DIP2C: variants seen among roughly 807,000 people sequenced by gnomAD.
DIP2C encodes the protein disco-interacting protein 2 homolog C.
A neutral mutation model predicts 192.4 loss-of-function variants in DIP2C; 33 were observed. That is an observed-to-expected ratio of 0.17 (90% CI 0.13 to 0.23). The LOEUF is 0.23. Among genes scored for constraint, DIP2C ranks in the 10% least tolerant of loss-of-function variants. The pLI is 1.00. For synonymous variants in DIP2C, 979 were observed against 864.1 expected (o/e 1.13, Z -2.33); for missense variants, 1,537 against 2,110.1 (o/e 0.73, Z 5.32).
intron 1 of DIP2C, among the ~76,000 whole-genome samples, chr10:677,528 A>G (rs1170045583): frequency 6.6e-6 from 1 of 152,216 alleles, no homozygotes; most frequent in East Asian, 1.9e-4. Context: ...AGAATCCAGC[A>G]TGATGTACTG....
At chr10:389,791 C>T (rs1297425833) in intron 13 of DIP2C, among the ~76,000 whole-genome samples, 200 bp downstream of exon 13, 1 of 152,282 alleles carries the variant, frequency 6.6e-6, no homozygotes. Flanking sequence ...ACATAAATGT[C>T]TGCTGTTGAA....
chr10:503,311 G>A (rs1350010187), intron 1 of DIP2C, among the ~76,000 whole-genome samples: 1 of 152,222 alleles, frequency 6.6e-6, no homozygotes, highest in Non-Finnish European at 1.5e-5. Flanking sequence ...GAAAGGGAAA[G>A]AAACAGGACA....
At chr10:541,700 C>A (rs542639108) in intron 1 of DIP2C, among the ~76,000 whole-genome samples, 32 of 138,944 alleles carry the variant, frequency 2.3e-4, no homozygotes, top group African/African-American at 8.1e-4. Context: ...CTCCACCTGA[C>A]CACCCCCATC....
At chr10:306,672 G>A (rs1443553643) in intron 32 of DIP2C, among the ~76,000 whole-genome samples, 1 of 152,162 alleles carries the variant, frequency 6.6e-6, no homozygotes, top group South Asian at 2.1e-4. Context: ...ACTGCCTCCC[G>A]ACTGCTGGCC....
chr10:338,494 G>C (rs1035139669), intron 29 of DIP2C, among the ~76,000 whole-genome samples: 7 of 150,124 alleles, frequency 4.7e-5, no homozygotes, highest in African/African-American at 1.7e-4. Flanking sequence ...AATATGTCTC[G>C]ACACACGACC....
intron 1 of DIP2C, among the ~76,000 whole-genome samples, chr10:684,413 C>T (rs1355761808): frequency 6.6e-6 from 1 of 152,232 alleles, no homozygotes; most frequent in African/African-American, 2.4e-5. Context: ...CCCACTGACC[C>T]TCCTACCCTC....
At chr10:388,098 C>T (rs563760948) in intron 13 of DIP2C, among the ~76,000 whole-genome samples, 1 of 152,104 alleles carries the variant, frequency 6.6e-6, no homozygotes, top group Admixed American at 6.5e-5. Context: ...CCCTCTCTGC[C>T]TTTTTCTTTA....
chr10:524,942 A>C (rs1263672375), intron 1 of DIP2C, among the ~76,000 whole-genome samples: 1 of 147,658 alleles, frequency 6.8e-6, no homozygotes, highest in African/African-American at 2.6e-5. Context: ...TGGTCTAGAC[A>C]CACAGTTTAA....
At chr10:511,817 A>C (rs1846031552) in intron 1 of DIP2C, among the ~76,000 whole-genome samples, 1 of 152,224 alleles carries the variant, frequency 6.6e-6, no homozygotes, top group Non-Finnish European at 1.5e-5. Context: ...ATATTTAAGG[A>C]CTTCATTATT....
intron 5 of DIP2C, among the ~76,000 whole-genome samples, chr10:419,710 G>A (rs960141758): frequency 8.5e-5 from 13 of 152,240 alleles, no homozygotes; most frequent in South Asian, 2.1e-4. Context: ...GAGTTAACAC[G>A]TATACAGTTC....
chr10:377,141 G>GTTTTTTTTTTTTTTTTTT (rs5782549), intron 17 of DIP2C, among the ~76,000 whole-genome samples: 1 of 138,652 alleles, frequency 7.2e-6, no homozygotes. Flanking sequence ...GTGCAGCGCA[G>GTTTTTTTTTTTTTTTTTT]TTTTTTTTTT....
chr10:383,723 G>C (rs1962595516), intron 16 of DIP2C, among the ~76,000 whole-genome samples: 1 of 152,126 alleles, frequency 6.6e-6, no homozygotes, highest in South Asian at 2.1e-4. Flanking sequence ...CGGGGAAACA[G>C]GGTCAGCAAA....
chr10:614,889 G>C (rs1853346548), intron 1 of DIP2C, among the ~76,000 whole-genome samples: 2 of 152,192 alleles, frequency 1.3e-5, no homozygotes, highest in Non-Finnish European at 2.9e-5. Context: ...GGTGTGCATG[G>C]GAAGAACTGG....
chr10:349,651 G>C (rs1195754347), intron 24 of DIP2C, among the ~76,000 whole-genome samples, 197 bp from the exon 25 acceptor site: 1 of 152,160 alleles, frequency 6.6e-6, no homozygotes, highest in Non-Finnish European at 1.5e-5. Flanking sequence ...ATACGTTAGA[G>C]GTCAACTCCA....
At chr10:480,470 A>C (rs1392460258) in intron 2 of DIP2C, among the ~76,000 whole-genome samples, 1 of 152,156 alleles carries the variant, frequency 6.6e-6, no homozygotes, top group Non-Finnish European at 1.5e-5. Flanking sequence ...TGCTCACTGG[A>C]TGACGGTCTC....
At chr10:493,526 C>T (rs1178065507) in intron 1 of DIP2C, among the ~76,000 whole-genome samples, 1 of 151,944 alleles carries the variant, frequency 6.6e-6, no homozygotes, top group Admixed American at 6.6e-5. Flanking sequence ...GAGAAGCTGA[C>T]GTGTAGAAGA....
chr10:483,530 T>TA (rs1843766162), intron 2 of DIP2C, among the ~76,000 whole-genome samples: 1 of 152,220 alleles, frequency 6.6e-6, no homozygotes, highest in Non-Finnish European at 1.5e-5. Flanking sequence ...CTGAGTCTGG[T>TA]GTCTGGGCCT....
intron 1 of DIP2C, among the ~76,000 whole-genome samples, chr10:553,208 T>TC (rs1175918393): frequency 6.6e-6 from 1 of 152,186 alleles, no homozygotes; most frequent in Non-Finnish European, 1.5e-5. Context: ...CTCTTCTCCC[T>TC]CGTCCCTGCA....
chr10:329,626 GGGCGGGAGCTCAGCAA>G lies in DIP2C; in HGVS notation c.3585-41_3585-26del, dbSNP rs528613355. 805 of 1,609,628 alleles carry G rather than the reference GGGCGGGAGCTCAGCAA, an allele frequency of 5.0e-4. 9 individuals carry two copies. In the South Asian group the frequency reaches 6.8e-3, roughly 14 times the overall value. ...ACTGCAGAGAAAGAAGAGGCTGTCA[GGGCGGGAGCTCAGCAA>G]GGCTGGAGCTCAGCAAGGCTGGAGG... On this transcript the variant is annotated intron_variant, in intron 29 of 36. Coordinates refer to ENST00000280886, the MANE Select transcript of DIP2C (RefSeq NM_014974.3).
Sources: allele counts gnomAD v4.1 joint callset (sites outside exome capture counted in the v4.1 genomes callset), GRCh38; gene constraint gnomAD v4.1.1; transcripts MANE v1.5; gene names NCBI Gene and HGNC (gene_info 2026-07-23, HGNC 2026-07-21).